Variants in ATAD2B observed in about 807,000 individuals in gnomAD.
The protein encoded by ATAD2B is ATPase family AAA domain containing 2B, also known as ATPase family AAA domain-containing protein 2B.
Under a neutral mutation model 167.6 loss-of-function variants are expected in ATAD2B, and 40 were observed. The observed-to-expected ratio is 0.24, with a 90% CI of 0.19 to 0.31. The LOEUF (loss-of-function observed/expected upper bound fraction) is 0.31. Ranked by LOEUF, ATAD2B falls within the 10% of genes least tolerant of loss-of-function variation. The pLI is 1.00. For synonymous variants in ATAD2B, 579 were observed against 596.5 expected, an observed-to-expected ratio of 0.97 and a Z score of 0.43; for missense variants, 1,242 against 1,757.2, an observed-to-expected ratio of 0.71 and a Z score of 5.24.
chr2:23,775,246 T>C (rs1678920595), intron 22 of ATAD2B, among the ~76,000 whole-genome samples: 1 of 151,386 alleles, frequency 6.6e-6, no homozygotes, highest in Non-Finnish European at 1.5e-5. Context: ...GACGTTGTCT[T>C]GCTCTGTCTC....
At chr2:23,730,021 C>T in the ATAD2B span, among the ~76,000 whole-genome samples, 35 of 152,062 alleles carry the variant, frequency 2.3e-4, no homozygotes, top group Non-Finnish European at 4.1e-4. Context: ...TATGGAAGAC[C>T]TGAACAACAT....
chr2:23,695,544 G>A, the ATAD2B span: 1 of 969,566 alleles, frequency 1.0e-6, no homozygotes, highest in Non-Finnish European at 1.5e-6. The surrounding 1 kb of genome is among the most constrained non-coding windows in gnomAD (Gnocchi z 7.6). Flanking sequence ...TTCTTGTGCA[G>A]CCCCACACCA....
Position 23,905,841 on chromosome 2 carries a change from TA to T in ATAD2B, c.217-9872del, listed in dbSNP as rs553833513. Among the ~76,000 whole-genome samples the T allele has an allele frequency of 1.1e-4, 16 of 152,316 alleles. No individual in the cohort carries two copies. The South Asian group carries it at 3.3e-3, about 32-fold the overall frequency. ...TTTTGTGTTAGATACTAAAGATACT[TA>T]GCACTAAGGTAGTCCCTGCCTTTCA... On this transcript the variant is annotated intron_variant, in intron 1 of 27. Coordinates refer to ENST00000238789, the MANE Select transcript of ATAD2B (RefSeq NM_017552.4).
chr2:23,909,514 C>CA (rs1256458905), intron 1 of ATAD2B, among the ~76,000 whole-genome samples: 1 of 151,858 alleles, frequency 6.6e-6, no homozygotes, highest in East Asian at 1.9e-4. Context: ...TACATACACA[C>CA]ACATTGCACA....
chr2:23,729,394 G>A, the ATAD2B span, among the ~76,000 whole-genome samples: 4 of 152,068 alleles, frequency 2.6e-5, no homozygotes, highest in Admixed American at 2.0e-4. Context: ...AAGGGGACTC[G>A]GCTTGTCTGA....
chr2:23,803,087 A>C (rs1243829506), intron 18 of ATAD2B, among the ~76,000 whole-genome samples: 1 of 152,130 alleles, frequency 6.6e-6, no homozygotes, highest in Non-Finnish European at 1.5e-5. Flanking sequence ...GGAGGCAAAA[A>C]TTATATTTGA....
chr2:23,874,219 G>C (rs1696452347), intron 8 of ATAD2B, among the ~76,000 whole-genome samples: 1 of 149,838 alleles, frequency 6.7e-6, no homozygotes, highest in Non-Finnish European at 1.5e-5. Flanking sequence ...AAAAGCCAAA[G>C]AGTATACAAA....
intron 23 of ATAD2B, among the ~76,000 whole-genome samples, chr2:23,765,027 C>T (rs982961948): frequency 1.3e-5 from 2 of 152,224 alleles, no homozygotes; most frequent in Admixed American, 6.5e-5. Flanking sequence ...CTCTCTCCTA[C>T]TAAAATGTGA....
chr2:23,785,321 C>T (rs1190648371), intron 21 of ATAD2B, among the ~76,000 whole-genome samples: 1 of 152,024 alleles, frequency 6.6e-6, no homozygotes, highest in Non-Finnish European at 1.5e-5. Flanking sequence ...AGAAAGAGGC[C>T]AGTAAAGATT....
chr2:23,916,780 C>T (rs1703098843), intron 1 of ATAD2B, among the ~76,000 whole-genome samples: 1 of 152,062 alleles, frequency 6.6e-6, no homozygotes, highest in Admixed American at 6.6e-5. Context: ...TGCTTTTGGC[C>T]CCTCTCTAAA....
rs561809348 is a variant in ATAD2B, at chr2:23,795,279, C to G, written c.2640+2859G>C. ...AACACCATACACATTGATTTATTACCTGCATTTTTTAAAACAATACATTTA... is the reference window on the plus strand; with the variant it reads ...AACACCATACACATTGATTTATTACGTGCATTTTTTAAAACAATACATTTA... On this transcript the variant is annotated intron_variant, in intron 19 of 27. Coordinates refer to ENST00000238789, the MANE Select transcript of ATAD2B (RefSeq NM_017552.4). 6.4e-4 allele frequency among the ~76,000 whole-genome samples: 97 copies of G among 152,164 alleles called. 1 individual carries two copies. Among genetic ancestry groups the G allele is most frequent in the African/African-American group, 2.3e-3 (96 of 41,522 alleles).
the ATAD2B span, among the ~76,000 whole-genome samples, chr2:23,681,807 C>G: frequency 0.021 from 3,139 of 152,308 alleles, 124 homozygotes; most frequent in African/African-American, 0.072. This position sits in a 1 kb window ranked among gnomAD's most constrained non-coding sequence, Gnocchi z 4.2. Context: ...TGTCATCTAC[C>G]TGGCTCGTGG....
At chr2:23,893,350 T>G (rs2150343872) in intron 2 of ATAD2B, among the ~76,000 whole-genome samples, 1 of 152,274 alleles carries the variant, frequency 6.6e-6, no homozygotes, top group African/African-American at 2.4e-5. Flanking sequence ...CAAATTATTT[T>G]TTGTGAAAGG....
In ATAD2B at chr2:23,867,891, G is replaced by A. The variant is rs1335669482; in HGVS notation, c.1132C>T (p.Arg378Ter). Residue 378 changes from arginine to a stop codon, truncating the protein, a stop_gained, in exon 10 of 28, where the codon CGA (arginine) becomes TGA (stop). Coordinates refer to ENST00000238789, the MANE Select transcript of ATAD2B (RefSeq NM_017552.4). LOFTEE classifies it high-confidence loss of function. ...EDLASGILRE[R>*]VKVGASLADV... ...GCCAAGCTTGCACCCACTTTCACTC[G>A]TTCTCGGAGAATACCGCTAGCTAAG... The A allele has an allele frequency of 6.2e-7, 1 of 1,613,654 alleles. No homozygotes were observed. Among genetic ancestry groups the A allele is most frequent in the Non-Finnish European group, 8.5e-7 (1 of 1,179,764 alleles).
the ATAD2B span, among the ~76,000 whole-genome samples, chr2:23,717,103 C>A: frequency 1.3e-5 from 2 of 152,066 alleles, no homozygotes; most frequent in East Asian, 3.8e-4. Flanking sequence ...TGGACAACAT[C>A]GAAAATAAAA....
chr2:23,751,910 CAGAG>C lies in ATAD2B; in HGVS notation c.*132_*135del. On this transcript the variant is annotated 3_prime_UTR_variant, in exon 28 of 28. Transcript: ENST00000238789. Reference sequence around the variant, plus strand: ...CCTGAGACAATAGCACCAAATTCAACAGAGAGAAAGAATGAGTGAGAGAGCACTT... The same window carrying C: ...CCTGAGACAATAGCACCAAATTCAACAGAAAGAATGAGTGAGAGAGCACTT... The C allele has an allele frequency of 2.8e-6, 2 of 724,564 alleles. No individual in the cohort carries two copies. Among genetic ancestry groups the C allele is most frequent in the Non-Finnish European group, 4.6e-6 (2 of 435,724 alleles). 44.9% of individuals were successfully genotyped at this position (724,564 alleles called of 1,614,324 possible).
chr2:23,698,908 G>GACTA, the ATAD2B span, among the ~76,000 whole-genome samples: 1 of 152,188 alleles, frequency 6.6e-6, no homozygotes, highest in Non-Finnish European at 1.5e-5. Flanking sequence ...AAAGACTGAG[G>GACTA]ACTAACAGCC....
At chr2:23,888,064 T>C (rs895974185) in intron 3 of ATAD2B, 79 bp from the exon 4 acceptor site, 2 of 1,239,736 alleles carry the variant, frequency 1.6e-6, no homozygotes, top group Admixed American at 7.6e-5. Flanking sequence ...AAAAAATTAC[T>C]TTTAAAAGAC....
chr2:23,769,711 G>GT (rs199842019), intron 22 of ATAD2B, among the ~76,000 whole-genome samples: 2 of 129,844 alleles, frequency 1.5e-5, no homozygotes, highest in Admixed American at 8.0e-5. Flanking sequence ...TCTCACTGTG[G>GT]GTTTTTTTTT....
Sources: allele counts gnomAD v4.1 joint callset (sites outside exome capture counted in the v4.1 genomes callset), GRCh38; gene constraint gnomAD v4.1.1; non-coding constraint Gnocchi (gnomAD v3.1); transcripts MANE v1.5; gene names NCBI Gene and HGNC (gene_info 2026-07-23, HGNC 2026-07-21).